Variants in MBP observed in about 807,000 individuals in gnomAD.
MBP encodes myelin basic protein, also known as Golli-MBP.
In MBP, 16 loss-of-function variants were observed where a neutral mutation model predicts 35.8. The ratio of observed to expected loss-of-function variants is 0.45; its 90% CI spans 0.30 to 0.68. MBP has a LOEUF of 0.68. MBP is among the 30% of genes least tolerant of loss of function. The pLI, the probability that MBP is intolerant of heterozygous loss-of-function variation, is 0.08. For missense variants in MBP, 380 were observed against 404.7 expected, an observed-to-expected ratio of 0.94 and a Z score of 0.52; for synonymous variants, 143 against 159.6, an observed-to-expected ratio of 0.90 and a Z score of 0.78.
At chr18:77,130,269 G>C (rs1260236087) in intron 1 of MBP, among the ~76,000 whole-genome samples, 1 of 152,022 alleles carries the variant, frequency 6.6e-6, no homozygotes, top group African/African-American at 2.4e-5. Context: ...CCTTTGCAAG[G>C]CATCCTTCTC....
chr18:77,059,126 G>A (rs1367538136), intron 3 of MBP, among the ~76,000 whole-genome samples: 1 of 152,100 alleles, frequency 6.6e-6, no homozygotes, highest in African/African-American at 2.4e-5. Context: ...TTAAAAGAAA[G>A]AAAAAACCCT....
At chr18:77,088,586 GAT>G (rs1160844075) in intron 2 of MBP, among the ~76,000 whole-genome samples, 1 of 152,200 alleles carries the variant, frequency 6.6e-6, no homozygotes, top group Non-Finnish European at 1.5e-5. Context: ...ATGTTCTAGA[GAT>G]ATTGTAAATC....
chr18:77,079,141 T>C (rs919619360), intron 2 of MBP, among the ~76,000 whole-genome samples: 3 of 152,252 alleles, frequency 2.0e-5, no homozygotes, highest in Admixed American at 2.0e-4. Context: ...GGTTCCAACG[T>C]GCTCAGAGTG....
intron 1 of MBP, among the ~76,000 whole-genome samples, chr18:77,130,441 A>G (rs1247051103): frequency 6.6e-6 from 1 of 151,812 alleles, no homozygotes. Context: ...CAGTGAGGGC[A>G]TCCTAGGGCC....
rs527931850 is a variant in MBP at position 77,064,306 on chromosome 18, C to T, written c.139+1992G>A. Among the ~76,000 whole-genome samples, 28 of 152,302 alleles carry T rather than the reference C, an allele frequency of 1.8e-4. No individual in the cohort carries two copies. In the South Asian group the frequency reaches 4.4e-3, roughly 24 times the overall value. ...GCACGCTGCTGCTCCTAGTCATGGA[C>T]GCGGCTGCCTTCAACTCCTTCCTCT... On this transcript the variant is annotated intron_variant, in intron 3 of 8. Transcript: ENST00000355994.
chr18:77,044,952 TGTAA>T lies in MBP; in HGVS notation c.139+21342_139+21345del, dbSNP rs1973172897. On this transcript the variant is annotated intron_variant, in intron 3 of 8. Coordinates refer to ENST00000355994, the MANE Select transcript of MBP (RefSeq NM_001025101.2). This position sits in a 1 kb window ranked among gnomAD's most constrained non-coding sequence, Gnocchi z 4.4. The stretch of plus-strand genomic sequence containing the variant: ...CTGTGAGAGAACATGAGTGTGTGTG[TGTAA>T]GTGTGGTGTGTGAGTGTGGAGTGTG... Among the ~76,000 whole-genome samples, 2 of 122,620 alleles carry T rather than the reference TGTAA, an allele frequency of 1.6e-5. No individual in the cohort carries two copies. Among genetic ancestry groups the T allele is most frequent in the South Asian group, 5.3e-4 (2 of 3,774 alleles). The allele number at this position is 122,620 out of a possible 152,430, so 80.4% of individuals were successfully genotyped here. A position where few individuals can be genotyped will look rare whatever the true frequency, so the allele number is the denominator to read the frequency against.
chr18:77,041,528 C>T (rs577935514), intron 3 of MBP, among the ~76,000 whole-genome samples: 17 of 152,116 alleles, frequency 1.1e-4, no homozygotes, highest in African/African-American at 1.7e-4. Context: ...GGAACCAACC[C>T]GAATGTCCAA....
rs77624201 is a variant in MBP, at chr18:77,001,920, T to A, written c.577-11860A>T. Reference sequence around the variant, plus strand: ...CTACACCCTCCCCTCATGATAGTGTTCTTACTGACACAGCCACGTGTTGGA... The same window carrying A: ...CTACACCCTCCCCTCATGATAGTGTACTTACTGACACAGCCACGTGTTGGA... On this transcript the variant is annotated intron_variant, in intron 4 of 8. Transcript: ENST00000355994. Among the ~76,000 whole-genome samples, 421 of 152,322 alleles carry A rather than the reference T, an allele frequency of 2.8e-3. 3 individuals carry two copies. The highest frequency in any genetic ancestry group is 9.6e-3 in the African/African-American group (401 of 41,578).
chr18:76,987,269 T>C, intron 7 of MBP: 1 of 985,472 alleles, frequency 1.0e-6, no homozygotes, highest in Non-Finnish European at 1.2e-6. Flanking sequence ...CATTCTTCTA[T>C]CATCTTTGTC....
At chr18:77,104,622 G>T (rs765187167) in intron 2 of MBP, among the ~76,000 whole-genome samples, 2 of 152,186 alleles carry the variant, frequency 1.3e-5, no homozygotes, top group Non-Finnish European at 2.9e-5. Flanking sequence ...CTAAAAGAAA[G>T]TCTGATGTGT....
In MBP at chr18:77,090,628, C is replaced by G. The variant is rs575717197; in HGVS notation, c.51+14583G>C. 9.2e-5 allele frequency among the ~76,000 whole-genome samples: 14 copies of G among 152,322 alleles called. No homozygotes were observed. In the South Asian group the frequency reaches 1.0e-3, roughly 11 times the overall value. On this transcript the variant is annotated intron_variant, in intron 2 of 8. Coordinates refer to ENST00000355994, the MANE Select transcript of MBP (RefSeq NM_001025101.2). ...CCCGGGTGTCTGATGGCCCCATGCT[C>G]TCTCCTTGGTGGGACGTTTCCTAAC...
intron 2 of MBP, among the ~76,000 whole-genome samples, chr18:77,086,633 C>T (rs1975246817): frequency 6.6e-6 from 1 of 152,164 alleles, no homozygotes; most frequent in African/African-American, 2.4e-5. Flanking sequence ...TGAAACAATA[C>T]TTCTATTTTA....
At chr18:77,080,618 G>A (rs1974853320) in intron 2 of MBP, among the ~76,000 whole-genome samples, 1 of 152,230 alleles carries the variant, frequency 6.6e-6, no homozygotes, top group Non-Finnish European at 1.5e-5. Flanking sequence ...AGTGAAAGCT[G>A]CCAATCCATT....
intron 4 of MBP, among the ~76,000 whole-genome samples, chr18:77,001,798 C>T (rs994102193): frequency 1.1e-4 from 17 of 151,904 alleles, no homozygotes; most frequent in African/African-American, 3.9e-4. Flanking sequence ...TGCAGTGAGC[C>T]GAGATCAAGC....
chr18:77,069,145 T>C, intron 2 of MBP: 2 of 442,992 alleles, frequency 4.5e-6, no homozygotes, highest in Non-Finnish European at 4.6e-6. Context: ...CTTACACACC[T>C]TCCCAACCCT....
chr18:77,122,599 T>C (rs931454991), intron 1 of MBP, among the ~76,000 whole-genome samples: 5 of 152,218 alleles, frequency 3.3e-5, no homozygotes, highest in African/African-American at 9.6e-5. Context: ...CTGGAGTGCA[T>C]TGGCGCAATC....
At chr18:77,016,335 T>C (rs1437385246) in intron 4 of MBP, 53 of 987,914 alleles carry the variant, frequency 5.4e-5, no homozygotes, top group Non-Finnish European at 6.3e-5. Flanking sequence ...CGGATTTAAA[T>C]TGAGGAGTTT....
At chr18:77,106,098 A>G (rs1043928891) in intron 1 of MBP, among the ~76,000 whole-genome samples, 3 of 152,104 alleles carry the variant, frequency 2.0e-5, no homozygotes, top group African/African-American at 4.8e-5. Flanking sequence ...CAATGACAAC[A>G]TGTTTTCCAT....
intron 3 of MBP, 92 bp from the exon 4 acceptor site, chr18:77,017,360 T>G: frequency 1.6e-6 from 2 of 1,251,310 alleles, no homozygotes; most frequent in South Asian, 4.2e-5. Context: ...CCTAGCTGTC[T>G]CCTATAAAAC....
Sources: allele counts gnomAD v4.1 joint callset (sites outside exome capture counted in the v4.1 genomes callset), GRCh38; gene constraint gnomAD v4.1.1; non-coding constraint Gnocchi (gnomAD v3.1); transcripts MANE v1.5; gene names NCBI Gene and HGNC (gene_info 2026-07-23, HGNC 2026-07-21).